The following KCNQ3 variants were observed in gnomAD, a reference collection of about 807,000 sequenced individuals.
KCNQ3 encodes the protein potassium voltage-gated channel subfamily KQT member 3.
In KCNQ3, 30 loss-of-function variants were observed where a neutral mutation model predicts 92.5. That is an observed-to-expected ratio of 0.32 (90% CI 0.24 to 0.44). The LOEUF is 0.44. Among genes scored for constraint, KCNQ3 ranks in the 20% least tolerant of loss-of-function variants. The probability of loss-of-function intolerance (pLI) is 1.00; values close to 1 mark genes in which losing one functional copy is unlikely to be tolerated. For synonymous variants in KCNQ3, 450 were observed against 468.8 expected (o/e 0.96, Z 0.52); for missense variants, 913 against 1,140.3 (o/e 0.80, Z 2.87).
chr8:132,357,140 T>C (rs761765432), intron 1 of KCNQ3, among the ~76,000 whole-genome samples: 1 of 152,190 alleles, frequency 6.6e-6, no homozygotes, highest in Non-Finnish European at 1.5e-5. Flanking sequence ...GAGAATACCA[T>C]GCTACTCACC....
At chr8:132,412,686 C>A (rs1331005502) in intron 1 of KCNQ3, among the ~76,000 whole-genome samples, 1 of 152,066 alleles carries the variant, frequency 6.6e-6, no homozygotes, top group Non-Finnish European at 1.5e-5. Context: ...TGATGATGGC[C>A]CTGTGGGGAT....
chr8:132,265,811 A>T (rs935078675), intron 1 of KCNQ3, among the ~76,000 whole-genome samples: 1 of 152,182 alleles, frequency 6.6e-6, no homozygotes, highest in Non-Finnish European at 1.5e-5. Flanking sequence ...CCTAGAACAA[A>T]GGGACGAATG....
rs933417125 is a variant in KCNQ3 at position 132,123,670 on chromosome 8, A to G, written c.*5592T>C. On this transcript the variant is annotated 3_prime_UTR_variant, in exon 15 of 15. Coordinates refer to ENST00000388996, the MANE Select transcript of KCNQ3 (RefSeq NM_004519.4). The stretch of plus-strand genomic sequence containing the variant: ...ATTCTGTGACTCAATCACTGCTTCA[A>G]TCACTGAGGGACGTGGTGTGATGTT... The G allele has an allele frequency of 1.3e-5, 2 of 152,226 alleles. No homozygotes were observed. The highest frequency in any genetic ancestry group is 4.8e-5 in the African/African-American group (2 of 41,454). 9.4% of individuals were successfully genotyped at this position (152,226 alleles called of 1,614,324 possible). A position where few individuals can be genotyped will look rare whatever the true frequency, so the allele number is the denominator to read the frequency against.
At chr8:132,146,715 A>G (rs1825462050) in intron 9 of KCNQ3, among the ~76,000 whole-genome samples, 1 of 151,522 alleles carries the variant, frequency 6.6e-6, no homozygotes, top group East Asian at 1.9e-4. Context: ...CAGCCTCCCG[A>G]GTTACTGGAA....
rs1824447850 is a variant in KCNQ3, at chr8:132,120,916, T to TA, written c.*8345dup. 6.6e-6 allele frequency: 1 copy of TA among 152,156 alleles called. No homozygotes were observed. The highest frequency in any genetic ancestry group is 2.4e-5 in the African/African-American group (1 of 41,438). The allele number at this position is 152,156 out of a possible 1,614,324, so 9.4% of individuals were successfully genotyped here. On this transcript the variant is annotated 3_prime_UTR_variant, in exon 15 of 15. Transcript: ENST00000388996. ...TGCAGTATTTATTTAAGATAGAACA[T>TA]AAAAAATCAGGTAAGAATTATTTGC...
At chr8:132,263,125 A>G (rs1319123354) in intron 1 of KCNQ3, among the ~76,000 whole-genome samples, 2 of 152,138 alleles carry the variant, frequency 1.3e-5, no homozygotes. Context: ...CTGGCGTCAC[A>G]CACTCTTTCC....
intron 7 of KCNQ3, among the ~76,000 whole-genome samples, chr8:132,171,107 T>A (rs1164636621): frequency 1.3e-5 from 2 of 152,068 alleles, no homozygotes; most frequent in Non-Finnish European, 2.9e-5. Context: ...CTCAGTCAAA[T>A]ATATAGGAGA....
chr8:132,396,509 T>G (rs1342765515), intron 1 of KCNQ3, among the ~76,000 whole-genome samples: 1 of 152,024 alleles, frequency 6.6e-6, no homozygotes, highest in Non-Finnish European at 1.5e-5. Context: ...TTCCTTTTAC[T>G]TTCAAATTTG....
At chr8:132,188,519 G>A (rs1378462925) in intron 1 of KCNQ3, among the ~76,000 whole-genome samples, 4 of 152,180 alleles carry the variant, frequency 2.6e-5, no homozygotes, top group Non-Finnish European at 5.9e-5. Context: ...GTTTCCTTCT[G>A]TGTAAAATGA....
chr8:132,202,621 A>G (rs558562974), intron 1 of KCNQ3, among the ~76,000 whole-genome samples: 2 of 152,278 alleles, frequency 1.3e-5, no homozygotes, highest in South Asian at 4.1e-4. Flanking sequence ...GTCCTAGGGC[A>G]TGGACACAGT....
chr8:132,394,833 G>A (rs905136178), intron 1 of KCNQ3, among the ~76,000 whole-genome samples: 4 of 152,204 alleles, frequency 2.6e-5, no homozygotes, highest in Non-Finnish European at 4.4e-5. Flanking sequence ...CCAAAAGCCA[G>A]TGAGTGCGCC....
chr8:132,221,264 C>T (rs185205204), intron 1 of KCNQ3, among the ~76,000 whole-genome samples: 18 of 152,188 alleles, frequency 1.2e-4, no homozygotes, highest in Admixed American at 2.6e-4. Context: ...TGAATAGTGC[C>T]GCAATAAACA....
In KCNQ3 at chr8:132,475,525, G is replaced by T. The variant is rs898768108; in HGVS notation, c.386+4622C>A. Among the ~76,000 whole-genome samples, 4 of 152,182 alleles carry T rather than the reference G, an allele frequency of 2.6e-5. No homozygotes were observed. The South Asian group carries it at 8.3e-4, about 32-fold the overall frequency. ...TGGTATGCTCTGTCAGAGACTGGTAGCATTTTGCACCTGCCCTAAAGATCT... is the reference window on the plus strand; with the variant it reads ...TGGTATGCTCTGTCAGAGACTGGTATCATTTTGCACCTGCCCTAAAGATCT... On this transcript the variant is annotated intron_variant, in intron 1 of 14. Transcript: ENST00000388996.
intron 9 of KCNQ3, among the ~76,000 whole-genome samples, chr8:132,151,090 G>A (rs920541732): frequency 6.6e-6 from 1 of 152,196 alleles, no homozygotes; most frequent in Non-Finnish European, 1.5e-5. Flanking sequence ...TAAGGTTATA[G>A]GCTGCTTTTT....
intron 9 of KCNQ3, among the ~76,000 whole-genome samples, chr8:132,148,768 C>T (rs1348280990): frequency 6.6e-6 from 1 of 152,176 alleles, no homozygotes; most frequent in Non-Finnish European, 1.5e-5. Context: ...TATTCTCTTG[C>T]CCTTGGAGAT....
chr8:132,474,550 G>C (rs1267530922), intron 1 of KCNQ3, among the ~76,000 whole-genome samples: 2 of 152,120 alleles, frequency 1.3e-5, no homozygotes, highest in Non-Finnish European at 2.9e-5. Flanking sequence ...TATAATTAAA[G>C]TCCTGTAATG....
At chr8:132,456,089 G>C (rs1326060601) in intron 1 of KCNQ3, among the ~76,000 whole-genome samples, 1 of 152,092 alleles carries the variant, frequency 6.6e-6, no homozygotes, top group East Asian at 1.9e-4. Context: ...AGGAAACTGA[G>C]ACCCAGAGAA....
chr8:132,308,234 G>A (rs1446136364), intron 1 of KCNQ3, among the ~76,000 whole-genome samples: 1 of 152,130 alleles, frequency 6.6e-6, no homozygotes, highest in Admixed American at 6.5e-5. Context: ...TCCTCCATGG[G>A]CTCCTGAGTC....
intron 1 of KCNQ3, among the ~76,000 whole-genome samples, chr8:132,210,148 C>G (rs1219376312): frequency 1.3e-5 from 2 of 152,194 alleles, no homozygotes; most frequent in African/African-American, 4.8e-5. Flanking sequence ...ATCCACACAT[C>G]TTCTAATGTA....
Sources: allele counts gnomAD v4.1 joint callset (sites outside exome capture counted in the v4.1 genomes callset), GRCh38; gene constraint gnomAD v4.1.1; transcripts MANE v1.5; gene names NCBI Gene and HGNC (gene_info 2026-07-23, HGNC 2026-07-21).